RSRC1: variants seen among roughly 807,000 people sequenced by gnomAD.
RSRC1 encodes the protein arginine and serine rich coiled-coil 1, also known as serine/Arginine-related protein 53.
A neutral mutation model predicts 49.1 loss-of-function variants in RSRC1; 39 were observed. The observed-to-expected ratio is 0.79, with a 90% CI of 0.61 to 1.04. The LOEUF is 1.04. Ranked by LOEUF, RSRC1 falls within the 50% of genes least tolerant of loss-of-function variation. The pLI, the probability that RSRC1 is intolerant of heterozygous loss-of-function variation, is 0.00. For missense variants in RSRC1, 388 were observed against 402.4 expected (o/e 0.96, Z 0.31); for synonymous variants, 143 against 130.8 (o/e 1.09, Z -0.63).
intron 3 of RSRC1, among the ~76,000 whole-genome samples, chr3:158,176,643 A>C (rs1719238864): frequency 1.3e-5 from 2 of 152,220 alleles, no homozygotes; most frequent in Admixed American, 6.5e-5. Context: ...ACAAAAATTA[A>C]TTCAAGATGG....
chr3:158,248,272 T>TCA (rs1254496922), intron 4 of RSRC1, among the ~76,000 whole-genome samples: 1 of 152,174 alleles, frequency 6.6e-6, no homozygotes, highest in Non-Finnish European at 1.5e-5. Flanking sequence ...TAGACAGGAG[T>TCA]CACTGTAAAT....
chr3:158,394,260 C>G (rs1279626137), intron 6 of RSRC1, among the ~76,000 whole-genome samples: 1 of 152,052 alleles, frequency 6.6e-6, no homozygotes, highest in African/African-American at 2.4e-5. Flanking sequence ...AGGATGCCCT[C>G]TCTCACTACT....
chr3:158,536,759 G>T (rs930612908), intron 7 of RSRC1, among the ~76,000 whole-genome samples: 12 of 151,578 alleles, frequency 7.9e-5, no homozygotes, highest in African/African-American at 2.7e-4. Context: ...TATAGAAGCT[G>T]AGCATTGAGT....
chr3:158,214,777 C>G, intron 4 of RSRC1, among the ~76,000 whole-genome samples: 1 of 151,672 alleles, frequency 6.6e-6, no homozygotes, highest in Non-Finnish European at 1.5e-5. Context: ...TTCATTATGA[C>G]CAAAAAACAT....
At chr3:158,123,768 G>A in intron 2 of RSRC1, 98 bp from the exon 3 acceptor site, 2 of 1,169,374 alleles carry the variant, frequency 1.7e-6, no homozygotes, top group Non-Finnish European at 2.4e-6. Context: ...CAGTGAGACA[G>A]TAAAAATCAG....
intron 5 of RSRC1, among the ~76,000 whole-genome samples, chr3:158,317,166 C>T (rs775124108): frequency 1.3e-5 from 2 of 152,166 alleles, no homozygotes; most frequent in Non-Finnish European, 1.5e-5. Context: ...ACTGAAATTG[C>T]ACTGAATTGC....
At chr3:158,520,988 A>G (rs991066597) in intron 7 of RSRC1, among the ~76,000 whole-genome samples, 2 of 152,136 alleles carry the variant, frequency 1.3e-5, no homozygotes, top group Non-Finnish European at 2.9e-5. Flanking sequence ...AGATACTACA[A>G]ACTGGTAAAC....
At chr3:158,472,990 C>T (rs183330651) in intron 7 of RSRC1, among the ~76,000 whole-genome samples, 32 of 152,114 alleles carry the variant, frequency 2.1e-4, no homozygotes, top group African/African-American at 6.3e-4. Flanking sequence ...GTTAGAATGG[C>T]GATCATTAAA....
At chr3:158,363,867 T>C (rs979801292) in intron 6 of RSRC1, among the ~76,000 whole-genome samples, 10 of 152,202 alleles carry the variant, frequency 6.6e-5, no homozygotes, top group African/African-American at 2.4e-4. Flanking sequence ...GATTTTTTTC[T>C]AACACCTAGC....
intron 3 of RSRC1, among the ~76,000 whole-genome samples, chr3:158,149,183 T>G (rs1192869442): frequency 1.3e-5 from 2 of 152,242 alleles, no homozygotes; most frequent in Non-Finnish European, 2.9e-5. Context: ...TTATAGTTTC[T>G]TTTTACTCTT....
At chr3:158,456,388 A>G (rs2108398270) in intron 6 of RSRC1, among the ~76,000 whole-genome samples, 2 of 151,344 alleles carry the variant, frequency 1.3e-5, no homozygotes, top group South Asian at 2.1e-4. Context: ...GCCCAAACTC[A>G]GGTAAACAGC....
At chr3:158,531,486 T>C (rs901858476) in intron 7 of RSRC1, among the ~76,000 whole-genome samples, 6 of 151,970 alleles carry the variant, frequency 3.9e-5, no homozygotes, top group African/African-American at 7.2e-5. Context: ...TAATCTGATA[T>C]AGTAAGCAGT....
intron 6 of RSRC1, among the ~76,000 whole-genome samples, chr3:158,407,892 T>C (rs1017874562): frequency 3.9e-5 from 6 of 152,182 alleles, no homozygotes; most frequent in African/African-American, 7.2e-5. Context: ...CATAGAATTC[T>C]TGGGGGCCCA....
intron 3 of RSRC1, among the ~76,000 whole-genome samples, chr3:158,166,000 G>C (rs1470026144): frequency 1.3e-5 from 2 of 152,126 alleles, no homozygotes; most frequent in Non-Finnish European, 2.9e-5. Context: ...ATTAAGAGAG[G>C]AAGTAAGAAG....
Position 158,345,840 on chromosome 3 carries a change from C to G in RSRC1, c.532-9017C>G, listed in dbSNP as rs372188693. 7.9e-4 allele frequency among the ~76,000 whole-genome samples: 116 copies of G among 146,626 alleles called. 1 individual carries two copies. The South Asian group carries it at 0.023, about 29-fold the overall frequency. The stretch of plus-strand genomic sequence containing the variant: ...TATATGCATTATATATAATAATAAA[C>G]AATAATATATATATTTATCATATAT... On this transcript the variant is annotated intron_variant, in intron 5 of 9. Transcript: ENST00000611884.
intron 3 of RSRC1, 29 bp from the exon 4 acceptor site, chr3:158,203,043 G>A (rs757393328): frequency 6.4e-7 from 1 of 1,558,990 alleles, no homozygotes; most frequent in South Asian, 1.1e-5. Flanking sequence ...TATACACTAA[G>A]TTTATTTAAC....
chr3:158,489,575 GTTTAT>G (rs1485475917), intron 7 of RSRC1, among the ~76,000 whole-genome samples: 1 of 150,532 alleles, frequency 6.6e-6, no homozygotes, highest in Non-Finnish European at 1.5e-5. Context: ...TATATATTTA[GTTTAT>G]TTTATGTAAA....
At chr3:158,204,880 A>G (rs1210508370) in intron 4 of RSRC1, among the ~76,000 whole-genome samples, 1 of 152,108 alleles carries the variant, frequency 6.6e-6, no homozygotes, top group African/African-American at 2.4e-5. Flanking sequence ...AAAACATTAT[A>G]TGGGGAATTT....
intron 3 of RSRC1, among the ~76,000 whole-genome samples, chr3:158,175,003 T>C (rs1719117490): frequency 6.6e-6 from 1 of 152,104 alleles, no homozygotes; most frequent in African/African-American, 2.4e-5. Context: ...TTAATTAGGC[T>C]TTAGCTATTC....
Sources: gnomAD v4.1 joint callset for allele counts (sites outside exome capture counted in the v4.1 genomes callset) on GRCh38, gnomAD v4.1.1 for gene constraint, MANE v1.5 for transcripts, NCBI Gene and HGNC (gene_info 2026-07-23, HGNC 2026-07-21) for gene names.